Variants in HDAC1 observed in about 807,000 individuals in gnomAD.
HDAC1 encodes the protein histone deacetylase 1, also known as protein deacetylase HDAC1.
HDAC1 carries 18 observed loss-of-function variants against 65.5 expected under a neutral mutation model. The observed-to-expected ratio is 0.27, with a 90% CI of 0.19 to 0.41. HDAC1 has a LOEUF of 0.41. HDAC1 is among the 10% of genes least tolerant of loss of function. HDAC1 has a pLI of 1.00. For missense variants in HDAC1, 373 were observed against 625.2 expected, an observed-to-expected ratio of 0.60 and a Z score of 4.30; for synonymous variants, 211 against 227.9, an observed-to-expected ratio of 0.93 and a Z score of 0.67.
In HDAC1 at chr1:32,331,910, G is replaced by C. The variant is rs1641297422; in HGVS notation, c.1219+104G>C. On this transcript the variant is annotated intron_variant, in intron 11 of 13. Transcript: ENST00000373548. The surrounding 1 kb of genome is among the most constrained non-coding windows in gnomAD (Gnocchi z 4.2). The stretch of plus-strand genomic sequence containing the variant: ...TCCCTCCAAGCTCCCCACCTGTAGA[G>C]AAATCTGTTTTCGAGTTCCAGTGCC... 2 of 1,474,288 alleles carry C rather than the reference G, an allele frequency of 1.4e-6. No individual in the cohort carries two copies. Among genetic ancestry groups the C allele is most frequent in the South Asian group, 2.7e-5 (2 of 74,702 alleles). 91.3% of individuals were successfully genotyped at this position (1,474,288 alleles called of 1,614,324 possible).
At position 32,333,484 on chromosome 1, in the gene HDAC1, C is replaced by T. The variant is rs1641328121; in HGVS notation, c.*440C>T. ...TTCTGTTTTCGTACCTTCCCACTGG[C>T]CTCAAGTGAGCCAAGAAACACTGCC... is the stretch of plus-strand genomic sequence containing the variant. On this transcript the variant is annotated 3_prime_UTR_variant, in exon 14 of 14. Coordinates refer to ENST00000373548, the MANE Select transcript of HDAC1 (RefSeq NM_004964.3). The T allele has an allele frequency of 6.5e-6, 1 of 153,772 alleles. No individual in the cohort carries two copies. The allele number at this position is 153,772 out of a possible 1,614,324, so 9.5% of individuals were successfully genotyped here.
rs2148073404 is a variant in HDAC1, at chr1:32,331,877, C to A, written c.1219+71C>A. The A allele has an allele frequency of 2.6e-6, 4 of 1,520,276 alleles. No individual in the cohort carries two copies. The highest frequency in any genetic ancestry group is 3.6e-6 in the Non-Finnish European group (4 of 1,126,594). 94.2% of individuals were successfully genotyped at this position (1,520,276 alleles called of 1,614,324 possible). On this transcript the variant is annotated intron_variant, in intron 11 of 13. Coordinates refer to ENST00000373548, the MANE Select transcript of HDAC1 (RefSeq NM_004964.3). This position sits in a 1 kb window ranked among gnomAD's most constrained non-coding sequence, Gnocchi z 4.2. The stretch of plus-strand genomic sequence containing the variant: ...CTCACACTTCCACCACCATTCCTGG[C>A]TGCACACTCCCTCCAAGCTCCCCAC...
chr1:32,320,656 T>C (rs1174716983), intron 3 of HDAC1, among the ~76,000 whole-genome samples: 2 of 151,894 alleles, frequency 1.3e-5, no homozygotes, highest in Non-Finnish European at 2.9e-5. Flanking sequence ...TCCCAGCACT[T>C]TGGGAGGCTG....
intron 3 of HDAC1, 101 bp from the exon 4 acceptor site, chr1:32,324,378 C>T (rs1570033932): frequency 1.2e-6 from 1 of 802,992 alleles, no homozygotes; most frequent in Non-Finnish European, 2.2e-6. Context: ...GACTAGAACC[C>T]ACACCTCCTG....
Position 32,330,633 on chromosome 1 carries a change from GCTCAGACTC to G in HDAC1, c.787_795del (p.Ser263_Ser265del). 6.2e-7 allele frequency: 1 copy of G among 1,613,978 alleles called. No individual in the cohort carries two copies. The highest frequency in any genetic ancestry group is 8.5e-7 in the Non-Finnish European group (1 of 1,179,920). ...CCTAGTGCGGTGGTCTTACAGTGTG[GCTCAGACTC>G]CCTATCTGGGGATCGGTTAGGTTGC... On this transcript the variant is annotated inframe_deletion, in exon 8 of 14. Coordinates refer to ENST00000373548, the MANE Select transcript of HDAC1 (RefSeq NM_004964.3). This position sits in a 1 kb window ranked among gnomAD's most constrained non-coding sequence, Gnocchi z 4.2.
rs1431547275 is a variant in HDAC1, at chr1:32,327,557, C to T, written c.516C>T (p.Tyr172=). ...ELLKYHQRVL[Y]IDIDIHHGDG... ...CTAGGTATCACCAGAGGGTGCTGTA[C>T]ATTGACATTGATATTCACCATGGTG... The change falls in exon 6 of 14, where the codon TAC becomes TAT. Residue 172 remains tyrosine, a synonymous_variant. Coordinates refer to ENST00000373548, the MANE Select transcript of HDAC1 (RefSeq NM_004964.3). The surrounding 1 kb of genome is among the most constrained non-coding windows in gnomAD (Gnocchi z 6.0). 6.2e-7 allele frequency: 1 copy of T among 1,613,214 alleles called. No individual in the cohort carries two copies. Among genetic ancestry groups the T allele is most frequent in the Non-Finnish European group, 8.5e-7 (1 of 1,179,442 alleles).
At chr1:32,323,382 T>C (rs542160288) in intron 3 of HDAC1, among the ~76,000 whole-genome samples, 1 of 152,176 alleles carries the variant, frequency 6.6e-6, no homozygotes, top group East Asian at 1.9e-4. Flanking sequence ...TCTGAACCTG[T>C]TTCCCTACTT....
intron 4 of HDAC1, among the ~76,000 whole-genome samples, chr1:32,325,982 G>A (rs1051195080): frequency 5.9e-5 from 9 of 151,704 alleles, no homozygotes; most frequent in African/African-American, 9.7e-5. Flanking sequence ...AGCCGAGATC[G>A]CGCCACTGCA....
chr1:32,328,719 A>G (rs767671578), intron 6 of HDAC1, among the ~76,000 whole-genome samples: 2 of 152,202 alleles, frequency 1.3e-5, no homozygotes, highest in African/African-American at 2.4e-5. Context: ...CTGGAGTGGA[A>G]AGGGTTGTCA....
chr1:32,323,544 G>T (rs1641177462), intron 3 of HDAC1, among the ~76,000 whole-genome samples: 1 of 151,972 alleles, frequency 6.6e-6, no homozygotes, highest in Non-Finnish European at 1.5e-5. Flanking sequence ...ATTACAGGCA[G>T]CTGCCACCAC....
chr1:32,320,211 C>T (rs1641121191), intron 3 of HDAC1, among the ~76,000 whole-genome samples: 1 of 151,000 alleles, frequency 6.6e-6, no homozygotes, highest in Admixed American at 6.6e-5. Flanking sequence ...CAGAGCGAGA[C>T]TCCTTCTCAA....
At chr1:32,325,603 G>A (rs1358745260) in intron 4 of HDAC1, among the ~76,000 whole-genome samples, 1 of 152,166 alleles carries the variant, frequency 6.6e-6, no homozygotes, top group Non-Finnish European at 1.5e-5. Context: ...TAACGAAATT[G>A]TCTGTAGTTT....
At chr1:32,292,253 G>T in intron 1 of HDAC1, 35 bp downstream of exon 1, 1 of 1,547,008 alleles carries the variant, frequency 6.5e-7, no homozygotes, top group Admixed American at 2.0e-5. Flanking sequence ...GCGGGGCCAG[G>T]CCGGGCCGGA....
In HDAC1 at chr1:32,292,225, A is replaced by C; in HGVS notation, c.49+7A>C. 1 of 1,548,398 alleles carries C rather than the reference A, an allele frequency of 6.5e-7. No homozygotes were observed. Among genetic ancestry groups the C allele is most frequent in the Non-Finnish European group, 8.7e-7 (1 of 1,146,244 alleles). ...GTCTGTTACTACTACGACGGTGAGC[A>C]CCGTCCTCGCGGCGGGGGCGGGGCC... On this transcript the variant is annotated splice_region_variant and intron_variant, in intron 1 of 13. Transcript: ENST00000373548.
In HDAC1 at chr1:32,329,221, G is replaced by A. The variant is rs2148071520; in HGVS notation, c.729+61G>A. 1.0e-6 allele frequency: 1 copy of A among 957,342 alleles called. No homozygotes were observed. Among genetic ancestry groups the A allele is most frequent in the Non-Finnish European group, 1.7e-6 (1 of 580,466 alleles). The allele number at this position is 957,342 out of a possible 1,614,324, so 59.3% of individuals were successfully genotyped here. On this transcript the variant is annotated intron_variant, in intron 7 of 13. Coordinates refer to ENST00000373548, the MANE Select transcript of HDAC1 (RefSeq NM_004964.3). This position sits in a 1 kb window ranked among gnomAD's most constrained non-coding sequence, Gnocchi z 4.1. ...GGGGATTGGTTGGCGGTGGAGGGGA[G>A]CAAAGCACCCCCACCATACCTCAGG...
chr1:32,292,928 CTTAG>C (rs771265716), intron 1 of HDAC1, among the ~76,000 whole-genome samples: 1 of 152,124 alleles, frequency 6.6e-6, no homozygotes, highest in Admixed American at 6.6e-5. Flanking sequence ...GAGGGGACAT[CTTAG>C]TTAGGACCTG....
chr1:32,319,891 G>C (rs924075448), intron 3 of HDAC1, among the ~76,000 whole-genome samples: 1 of 151,946 alleles, frequency 6.6e-6, no homozygotes, highest in African/African-American at 2.4e-5. Context: ...CTCCAGCCTG[G>C]GCAACATAGC....
rs79124650 is a variant in HDAC1 at position 32,324,101 on chromosome 1, A to T, written c.281-378A>T. The stretch of plus-strand genomic sequence containing the variant: ...GGGAACATAGTGAGGCTCTGTCTCT[A>T]AAAAAAAAAAAAAGAAAAAAAAATT... On this transcript the variant is annotated intron_variant, in intron 3 of 13. Transcript: ENST00000373548. 5.0e-5 allele frequency among the ~76,000 whole-genome samples: 7 copies of T among 141,100 alleles called. No individual in the cohort carries two copies. The East Asian group carries it at 1.4e-3, about 29-fold the overall frequency. The allele number at this position is 141,100 out of a possible 152,430, so 92.6% of individuals were successfully genotyped here.
chr1:32,312,707 G>T (rs1427477044), intron 2 of HDAC1, among the ~76,000 whole-genome samples: 3 of 139,064 alleles, frequency 2.2e-5, no homozygotes, highest in Non-Finnish European at 4.7e-5. Context: ...ACAGAGTCTC[G>T]CTCTGTCGCC....
Sources: gnomAD v4.1 joint callset for allele counts (sites outside exome capture counted in the v4.1 genomes callset) on GRCh38, gnomAD v4.1.1 for gene constraint, Gnocchi (gnomAD v3.1) non-coding constraint, MANE v1.5 for transcripts, NCBI Gene and HGNC (gene_info 2026-07-23, HGNC 2026-07-21) for gene names.